Variants in GNAI1 observed in about 807,000 individuals in gnomAD.
GNAI1 encodes the protein guanine nucleotide-binding protein G(i) subunit alpha-1.
GNAI1 carries 11 observed loss-of-function variants against 38.9 expected under a neutral mutation model. That is an observed-to-expected ratio of 0.28 (90% CI 0.18 to 0.47). GNAI1 has a LOEUF of 0.47. Ranked by LOEUF, GNAI1 falls within the 20% of genes least tolerant of loss-of-function variation. The probability of loss-of-function intolerance (pLI) is 0.99; values close to 1 mark genes in which losing one functional copy is unlikely to be tolerated. For synonymous variants in GNAI1, 166 were observed against 145.1 expected (o/e 1.14, Z -1.04); for missense variants, 317 against 436.9 (o/e 0.73, Z 2.45).
At chr7:80,197,811 A>G (rs1788606553) in intron 3 of GNAI1, among the ~76,000 whole-genome samples, 1 of 152,086 alleles carries the variant, frequency 6.6e-6, no homozygotes, top group Admixed American at 6.5e-5. Flanking sequence ...TGAAAAGAAA[A>G]TGTTTCACAA....
intron 1 of GNAI1, among the ~76,000 whole-genome samples, chr7:80,181,698 T>G (rs1455862764): frequency 6.6e-6 from 1 of 152,172 alleles, no homozygotes; most frequent in South Asian, 2.1e-4. Context: ...ACCACATAAA[T>G]GTATTCTTTC....
chr7:80,203,573 A>T, intron 4 of GNAI1, 131 bp from the exon 5 acceptor site: 1 of 606,018 alleles, frequency 1.7e-6, no homozygotes, highest in Non-Finnish European at 2.9e-6. Flanking sequence ...TTATATCTTT[A>T]CACACAAATT....
intron 5 of GNAI1, among the ~76,000 whole-genome samples, chr7:80,207,250 C>T (rs903978005): frequency 1.3e-5 from 2 of 152,054 alleles, no homozygotes; most frequent in African/African-American, 4.8e-5. Flanking sequence ...TTATTTGGTA[C>T]TTAAGGCAGT....
intron 1 of GNAI1, among the ~76,000 whole-genome samples, chr7:80,179,298 A>G (rs899553693): frequency 3.9e-5 from 6 of 152,160 alleles, no homozygotes; most frequent in African/African-American, 1.4e-4. Context: ...TTGTTAAAAC[A>G]CAGATTACTG....
At chr7:80,171,666 A>G (rs1243462873) in intron 1 of GNAI1, among the ~76,000 whole-genome samples, 1 of 152,234 alleles carries the variant, frequency 6.6e-6, no homozygotes. Flanking sequence ...AGATTCTGGC[A>G]TCAGATTATT....
At chr7:80,180,722 C>T (rs757082637) in intron 1 of GNAI1, among the ~76,000 whole-genome samples, 1 of 152,112 alleles carries the variant, frequency 6.6e-6, no homozygotes, top group South Asian at 2.1e-4. Flanking sequence ...TCTGCAGTTA[C>T]GACTAGAGTG....
chr7:80,200,916 T>TAC (rs1788676671), intron 4 of GNAI1, among the ~76,000 whole-genome samples: 1 of 152,196 alleles, frequency 6.6e-6, no homozygotes, highest in Non-Finnish European at 1.5e-5. Context: ...TGCGCTCCAG[T>TAC]TTTAGGTACT....
chr7:80,137,531 G>T (rs1052312822), intron 1 of GNAI1, among the ~76,000 whole-genome samples: 1 of 151,794 alleles, frequency 6.6e-6, no homozygotes, highest in Non-Finnish European at 1.5e-5. Context: ...TGTTGGCCAC[G>T]CTGGTCTCCA....
intron 1 of GNAI1, among the ~76,000 whole-genome samples, chr7:80,180,868 C>G (rs1000354938): frequency 6.6e-6 from 1 of 152,108 alleles, no homozygotes; most frequent in Admixed American, 6.5e-5. Flanking sequence ...TACTGTCAGG[C>G]CTCTCATGTC....
chr7:80,209,203 T>C (rs1191079712), intron 5 of GNAI1, among the ~76,000 whole-genome samples: 1 of 152,150 alleles, frequency 6.6e-6, no homozygotes, highest in Non-Finnish European at 1.5e-5. Flanking sequence ...TTTGTTAGAG[T>C]AGCACCTCAT....
In GNAI1 at chr7:80,217,903, G is replaced by A. The variant is rs541348170; in HGVS notation, c.*410G>A. 2.2e-4 allele frequency: 33 copies of A among 152,820 alleles called. No homozygotes were observed. Among genetic ancestry groups the A allele is most frequent in the African/African-American group, 7.2e-4 (30 of 41,526 alleles). The allele number at this position is 152,820 out of a possible 1,614,324, so 9.5% of individuals were successfully genotyped here. On this transcript the variant is annotated 3_prime_UTR_variant, in exon 8 of 8. Transcript: ENST00000649796. Reference sequence around the variant, plus strand: ...GTACTGAATGACAGACTATTACTACGTTTGCCAGTTTTAAACAGCTTTATT... The same window carrying A: ...GTACTGAATGACAGACTATTACTACATTTGCCAGTTTTAAACAGCTTTATT...
chr7:80,219,014 G>A lies in GNAI1; in HGVS notation c.*1521G>A, dbSNP rs1413311379. The A allele has an allele frequency of 1.7e-5, 2 of 118,070 alleles. No homozygotes were observed. Among genetic ancestry groups the A allele is most frequent in the African/African-American group, 3.4e-5 (1 of 29,080 alleles). The allele number at this position is 118,070 out of a possible 1,614,324, so 7.3% of individuals were successfully genotyped here. A position where few individuals can be genotyped will look rare whatever the true frequency, so the allele number is the denominator to read the frequency against. On this transcript the variant is annotated 3_prime_UTR_variant, in exon 8 of 8. Coordinates refer to ENST00000649796, the MANE Select transcript of GNAI1 (RefSeq NM_002069.6). ...GTTTCCAAGTTACGTGTTGTCACTG[G>A]GTTGAAGTATATTTGTGTGTGTGTG...
In GNAI1 at chr7:80,222,813, C is replaced by T. The variant is rs1789102395; in HGVS notation, c.*5320C>T. On this transcript the variant is annotated 3_prime_UTR_variant, in exon 8 of 8. Transcript: ENST00000649796. ...AGAAGTTGTCACCTAGAAGAAAGTA[C>T]AGGTGCTCCTTGACTTACCGTGGGT... Among the ~76,000 whole-genome samples, 1 of 152,136 alleles carries T rather than the reference C, an allele frequency of 6.6e-6. No individual in the cohort carries two copies. Among genetic ancestry groups the T allele is most frequent in the South Asian group, 2.1e-4 (1 of 4,830 alleles).
intron 1 of GNAI1, among the ~76,000 whole-genome samples, chr7:80,139,566 T>A (rs554478932): frequency 6.6e-6 from 1 of 152,224 alleles, no homozygotes; most frequent in Non-Finnish European, 1.5e-5. Context: ...TTTCTTTGAA[T>A]ACCTAACAAC....
At chr7:80,143,915 T>TGC (rs1787571542) in intron 1 of GNAI1, among the ~76,000 whole-genome samples, 1 of 49,766 alleles carries the variant, frequency 2.0e-5, no homozygotes, top group Non-Finnish European at 6.3e-5. Context: ...TGTGTGTGTG[T>TGC]GTGTGTGCGC....
At chr7:80,179,435 G>A (rs1329222707) in intron 1 of GNAI1, among the ~76,000 whole-genome samples, 2 of 152,124 alleles carry the variant, frequency 1.3e-5, no homozygotes, top group African/African-American at 2.4e-5. Context: ...ACTGTTCTAC[G>A]TATTTCTTTG....
chr7:80,172,825 A>G (rs547224817), intron 1 of GNAI1, among the ~76,000 whole-genome samples: 1 of 152,130 alleles, frequency 6.6e-6, no homozygotes, highest in Non-Finnish European at 1.5e-5. Context: ...AATTTTTTTT[A>G]AAAAACTTTC....
chr7:80,135,076 G>C lies in GNAI1; in HGVS notation c.-85G>C. On this transcript the variant is annotated 5_prime_UTR_variant, in exon 1 of 8. Transcript: ENST00000649796. The stretch of plus-strand genomic sequence containing the variant: ...CCCGTCGGGAGGCGTTCGAACGCCC[G>C]CTAGGAGAGAGAAAGGATTCCCCTG... 1.1e-6 allele frequency: 1 copy of C among 920,932 alleles called. No homozygotes were observed. Among genetic ancestry groups the C allele is most frequent in the Non-Finnish European group, 1.5e-6 (1 of 660,000 alleles). The allele number at this position is 920,932 out of a possible 1,614,324, so 57.0% of individuals were successfully genotyped here.
chr7:80,198,988 A>C (rs1184930664), intron 3 of GNAI1, among the ~76,000 whole-genome samples: 1 of 152,216 alleles, frequency 6.6e-6, no homozygotes, highest in Non-Finnish European at 1.5e-5. Flanking sequence ...CCAGCTTCCT[A>C]GTGCCTTGAC....
Sources: allele counts gnomAD v4.1 joint callset (sites outside exome capture counted in the v4.1 genomes callset), GRCh38; gene constraint gnomAD v4.1.1; transcripts MANE v1.5; gene names NCBI Gene and HGNC (gene_info 2026-07-23, HGNC 2026-07-21).